POP1: variants seen among roughly 807,000 people sequenced by gnomAD.
The protein encoded by POP1 is POP1 ribonuclease P/MRP subunit.
Under a neutral mutation model 102.2 loss-of-function variants are expected in POP1, and 75 were observed. The ratio of observed to expected loss-of-function variants is 0.73; its 90% CI spans 0.61 to 0.89. The LOEUF is 0.89. Among genes scored for constraint, POP1 ranks in the 40% least tolerant of loss-of-function variants. The probability of loss-of-function intolerance (pLI) is 0.00; values close to 1 mark genes in which losing one functional copy is unlikely to be tolerated. For synonymous variants in POP1, 436 were observed against 464.1 expected, an observed-to-expected ratio of 0.94 and a Z score of 0.78; for missense variants, 1,116 against 1,267.4, an observed-to-expected ratio of 0.88 and a Z score of 1.81.
intron 1 of POP1, among the ~76,000 whole-genome samples, chr8:98,122,914 C>A (rs954216842): frequency 6.6e-6 from 1 of 152,150 alleles, no homozygotes; most frequent in Admixed American, 6.6e-5. Flanking sequence ...AAATTGAAAT[C>A]ATTATCTATT....
At chr8:98,148,375 A>T (rs1023248299) in intron 12 of POP1, among the ~76,000 whole-genome samples, 1 of 152,238 alleles carries the variant, frequency 6.6e-6, no homozygotes, top group South Asian at 2.1e-4. Context: ...AATTTTAAAC[A>T]TCTTCTATTT....
At chr8:98,131,749 A>G (rs900970506) in intron 5 of POP1, among the ~76,000 whole-genome samples, 4 of 152,140 alleles carry the variant, frequency 2.6e-5, no homozygotes, top group Admixed American at 6.5e-5. Context: ...AAGGGTTCCA[A>G]TTTCTCCTCA....
chr8:98,158,311 AT>A lies in POP1; in HGVS notation c.*42del, dbSNP rs1563788714. 3.1e-6 allele frequency: 5 copies of A among 1,594,128 alleles called. No homozygotes were observed. Among genetic ancestry groups the A allele is most frequent in the Non-Finnish European group, 4.3e-6 (5 of 1,174,780 alleles). The stretch of plus-strand genomic sequence containing the variant: ...CCCAGCAGGGCATAGATAATACGTT[AT>A]TATTGTCTGCCAAGTTCTACATGTG... On this transcript the variant is annotated 3_prime_UTR_variant, in exon 16 of 16. Transcript: ENST00000401707.
intron 15 of POP1, among the ~76,000 whole-genome samples, chr8:98,157,079 GT>G (rs112661981): frequency 0.027 from 4,094 of 151,754 alleles, 172 homozygotes; most frequent in African/African-American, 0.085. Flanking sequence ...TTTTCACCAT[GT>G]TGGCCAGGCT....
At position 98,158,078 on chromosome 8, in the gene POP1, G is replaced by A. The variant is rs1809705358; in HGVS notation, c.2882G>A (p.Arg961Lys). 1 of 1,608,818 alleles carries A rather than the reference G, an allele frequency of 6.2e-7. No individual in the cohort carries two copies. The highest frequency in any genetic ancestry group is 8.5e-7 in the Non-Finnish European group (1 of 1,179,124). Reference sequence around the variant, plus strand: ...CCGCGTGTGACGTTGCACTGCTCCAGAACTCTCCTAGGCTTTGTGACTCAG... The same window carrying A: ...CCGCGTGTGACGTTGCACTGCTCCAAAACTCTCCTAGGCTTTGTGACTCAG... The part of the protein sequence containing the change: ...PLPRVTLHCS[R>K]TLLGFVTQGD... Residue 961 changes from arginine (R) to lysine (K), a missense_variant, in exon 16 of 16, where the codon AGA becomes AAA. Coordinates refer to ENST00000401707, the MANE Select transcript of POP1 (RefSeq NM_001145860.2).
intron 5 of POP1, 139 bp downstream of exon 5, chr8:98,130,365 G>A (rs1816348188): frequency 7.8e-7 from 1 of 1,285,720 alleles, no homozygotes; most frequent in South Asian, 1.3e-5. Flanking sequence ...TGAAGCCCGG[G>A]TCCTTTGCCA....
intron 1 of POP1, among the ~76,000 whole-genome samples, chr8:98,120,768 TCC>T (rs966761114): frequency 1.3e-5 from 2 of 151,878 alleles, no homozygotes; most frequent in African/African-American, 4.8e-5. Flanking sequence ...TGCCTCAGCC[TCC>T]CGAGTAGCTG....
Position 98,134,590 on chromosome 8 carries a change from C to T in POP1, c.942C>T (p.Ser314=). 4 of 1,614,116 alleles carry T rather than the reference C, an allele frequency of 2.5e-6. No homozygotes were observed. The South Asian group carries it at 4.4e-5, about 18-fold the overall frequency. ...GGCCTGTTACGTTTATCTGGAAGTC[C>T]CAGAGGACCCCGGGTGACCCTTCTG... ...MLGPVTFIWK[S]QRTPGDPSES... Residue 314 remains serine (S), a synonymous_variant, in exon 7 of 16, where the codon TCC becomes TCT. Coordinates refer to ENST00000401707, the MANE Select transcript of POP1 (RefSeq NM_001145860.2).
Position 98,156,156 on chromosome 8 carries a change from T to TA in POP1, c.2165dup (p.Tyr722Ter). 6.2e-7 allele frequency: 1 copy of TA among 1,614,038 alleles called. No homozygotes were observed. The highest frequency in any genetic ancestry group is 8.5e-7 in the Non-Finnish European group (1 of 1,180,012). The change falls in exon 15 of 16, where the codon TAC (tyrosine) becomes TAAC (stop). Residue 722 changes from tyrosine to a stop codon, truncating the protein, a stop_gained and frameshift_variant. Coordinates refer to ENST00000401707, the MANE Select transcript of POP1 (RefSeq NM_001145860.2). LOFTEE classifies it high-confidence loss of function. ...TQDWESRVQA[Y>*]EEPSVASSPN... ...AGACTGGGAGTCAAGAGTCCAGGCT[T>TA]ACGAAGAACCTTCTGTAGCTTCATC...
At chr8:98,134,097 G>A (rs905603282) in intron 6 of POP1, 61 bp downstream of exon 6, 1 of 1,264,520 alleles carries the variant, frequency 7.9e-7, no homozygotes, top group South Asian at 1.2e-5. Context: ...ATTTCATAAA[G>A]AAGTGTCTAC....
At chr8:98,150,433 C>G in intron 13 of POP1, 52 bp from the exon 14 acceptor site, 1 of 1,598,090 alleles carries the variant, frequency 6.3e-7, no homozygotes, top group Non-Finnish European at 8.6e-7. Flanking sequence ...AAACATTAAG[C>G]AATTCACTTT....
At chr8:98,134,724 A>G in intron 7 of POP1, 65 bp downstream of exon 7, 3 of 1,460,636 alleles carry the variant, frequency 2.1e-6, no homozygotes, top group Non-Finnish European at 2.9e-6. Flanking sequence ...CTGGAAGTCA[A>G]TACTGTAGAA....
intron 11 of POP1, 97 bp downstream of exon 11, chr8:98,140,985 T>G: frequency 6.9e-7 from 1 of 1,451,458 alleles, no homozygotes; most frequent in African/African-American, 1.4e-5. Context: ...TCCAGTAACT[T>G]CATCTGTAAA....
chr8:98,157,468 C>T (rs1809679328), intron 15 of POP1, 149 bp from the exon 16 acceptor site: 1 of 857,758 alleles, frequency 1.2e-6, no homozygotes, highest in Admixed American at 2.5e-5. Flanking sequence ...AAATGTACTA[C>T]AGTGTATTTC....
rs1809442988 is a variant in POP1 at position 98,149,015 on chromosome 8, CT to C, written c.1902+14del. 2 of 1,605,824 alleles carry C rather than the reference CT, an allele frequency of 1.2e-6. No homozygotes were observed. Among genetic ancestry groups the C allele is most frequent in the Non-Finnish European group, 1.7e-6 (2 of 1,174,182 alleles). ...CTTTCTGGATTCCATTTGTAAGTTA[CT>C]TTTTGATTCTAACAGTTGCAATATT... On this transcript the variant is annotated intron_variant, in intron 13 of 15. Transcript: ENST00000401707.
At chr8:98,149,050 A>G (rs547587880) in intron 13 of POP1, 44 bp downstream of exon 13, 7 of 1,522,006 alleles carry the variant, frequency 4.6e-6, no homozygotes, top group African/African-American at 4.1e-5. Flanking sequence ...TTTAAAATAC[A>G]TTCCTAATAA....
chr8:98,129,900 T>G, intron 4 of POP1, 78 bp from the exon 5 acceptor site: 1 of 1,498,424 alleles, frequency 6.7e-7, no homozygotes, highest in Non-Finnish European at 9.3e-7. Context: ...TCTAAAGTTA[T>G]TTGTTTGCAT....
intron 14 of POP1, 188 bp from the exon 15 acceptor site, chr8:98,155,862 A>C: frequency 3.0e-5 from 19 of 626,424 alleles, no homozygotes; most frequent in East Asian, 6.9e-5. Context: ...GGCATGAGCC[A>C]CTGAGCCCAG....
rs10112133 is a variant in POP1, at chr8:98,150,240, T to C, written c.1903-245T>C. Among the ~76,000 whole-genome samples, 45,347 of 152,158 alleles carry C rather than the reference T, an allele frequency of 0.3. 9,227 individuals are homozygous for C. The highest frequency in any genetic ancestry group is 0.59 in the African/African-American group (24,270 of 41,474). ...CATGTTTTTAAAGTATATACCTTAC[T>C]GTATATATGATTTTGCAACTTGCTG... On this transcript the variant is annotated intron_variant, in intron 13 of 15. Transcript: ENST00000401707.
Sources: allele counts gnomAD v4.1 joint callset (sites outside exome capture counted in the v4.1 genomes callset), GRCh38; gene constraint gnomAD v4.1.1; transcripts MANE v1.5; gene names NCBI Gene and HGNC (gene_info 2026-07-23, HGNC 2026-07-21).